RABL3: variants seen among roughly 807,000 people sequenced by gnomAD.
The protein encoded by RABL3 is rab-like protein 3.
RABL3 carries 31 observed loss-of-function variants against 31.8 expected under a neutral mutation model. The observed-to-expected ratio is 0.97, with a 90% confidence interval of 0.73 to 1.31. RABL3 has a LOEUF of 1.31. Ranked by LOEUF, RABL3 falls within the 40% of genes most tolerant of loss-of-function variation. The pLI is 0.00. For missense variants in RABL3, 263 were observed against 279.6 expected, an observed-to-expected ratio of 0.94 and a Z score of 0.42; for synonymous variants, 97 against 99.9, an observed-to-expected ratio of 0.97 and a Z score of 0.18.
chr3:120,718,197 C>T (rs976575422), intron 2 of RABL3, among the ~76,000 whole-genome samples: 17 of 152,096 alleles, frequency 1.1e-4, no homozygotes, highest in African/African-American at 2.4e-4. Flanking sequence ...AACAAATCTC[C>T]GCCTCTACCT....
chr3:120,718,009 T>A (rs1489851108), intron 2 of RABL3, among the ~76,000 whole-genome samples: 1 of 152,214 alleles, frequency 6.6e-6, no homozygotes, highest in Non-Finnish European at 1.5e-5. Context: ...CCTCTGTTAC[T>A]ATACATATTG....
intron 2 of RABL3, among the ~76,000 whole-genome samples, chr3:120,724,355 A>G (rs539218231): frequency 6.6e-6 from 1 of 152,256 alleles, no homozygotes; most frequent in South Asian, 2.1e-4. Context: ...AATCAATATC[A>G]TGAAAATGGC....
At chr3:120,691,669 G>A (rs1480113335) in intron 6 of RABL3, among the ~76,000 whole-genome samples, 2 of 152,156 alleles carry the variant, frequency 1.3e-5, no homozygotes, top group Admixed American at 6.5e-5. Context: ...TAACCCTATC[G>A]CAAGTTGAGG....
At chr3:120,741,384 A>G (rs1709040808) in intron 1 of RABL3, among the ~76,000 whole-genome samples, 1 of 152,222 alleles carries the variant, frequency 6.6e-6, no homozygotes, top group African/African-American at 2.4e-5. Flanking sequence ...AACATTCTTA[A>G]CCTATATTTG....
chr3:120,695,171 T>A (rs1462996462), intron 5 of RABL3, among the ~76,000 whole-genome samples: 1 of 152,096 alleles, frequency 6.6e-6, no homozygotes, highest in Admixed American at 6.6e-5. Flanking sequence ...GTTTTTGCAA[T>A]CTCCAGGCCC....
rs78420696 is a variant in RABL3, at chr3:120,686,472, A to AT, written c.*3350dup. On this transcript the variant is annotated 3_prime_UTR_variant, in exon 8 of 8. Coordinates refer to ENST00000273375, the MANE Select transcript of RABL3 (RefSeq NM_173825.5). The stretch of plus-strand genomic sequence containing the variant: ...CCTGCACATCATTTCCATGAAGTCC[A>AT]TGTCAGAATGAACAGAAAAACAAGT... Among the ~76,000 whole-genome samples, 26,492 of 152,148 alleles carry AT rather than the reference A, an allele frequency of 0.17. 2,854 individuals are homozygous for AT. Among genetic ancestry groups the AT allele is most frequent in the East Asian group, 0.5 (2,593 of 5,144 alleles).
At chr3:120,714,306 T>C (rs1253801324) in intron 2 of RABL3, among the ~76,000 whole-genome samples, 5 of 152,176 alleles carry the variant, frequency 3.3e-5, no homozygotes, top group Non-Finnish European at 1.5e-5. Context: ...GAAAAAGAGA[T>C]ACTAGGAGAA....
rs1234992329 is a variant in RABL3, at chr3:120,688,586, A to G, written c.*1237T>C. The G allele has an allele frequency of 2.0e-5, 3 of 152,228 alleles. No homozygotes were observed. Among genetic ancestry groups the G allele is most frequent in the Non-Finnish European group, 4.4e-5 (3 of 68,038 alleles). The allele number at this position is 152,228 out of a possible 1,614,324, so 9.4% of individuals were successfully genotyped here. ...CCACCTATTTTTTAAATGAGAAATG[A>G]AAACTGTATATTTATTATTGTTATT... is the stretch of plus-strand genomic sequence containing the variant. On this transcript the variant is annotated 3_prime_UTR_variant, in exon 8 of 8. Coordinates refer to ENST00000273375, the MANE Select transcript of RABL3 (RefSeq NM_173825.5).
At chr3:120,696,985 T>C (rs994159347) in intron 5 of RABL3, among the ~76,000 whole-genome samples, 2 of 152,168 alleles carry the variant, frequency 1.3e-5, no homozygotes, top group Admixed American at 6.5e-5. Context: ...TTCATAAACA[T>C]TGATTCATAG....
rs1003688278 is a variant in RABL3, at chr3:120,715,015, T to C, written c.139-5106A>G. 5.3e-5 allele frequency among the ~76,000 whole-genome samples: 8 copies of C among 152,336 alleles called. No homozygotes were observed. The South Asian group carries it at 1.4e-3, about 28-fold the overall frequency. On this transcript the variant is annotated intron_variant, in intron 2 of 7. Transcript: ENST00000273375. ...CATTTCCAGGACAGCTCCAGGTGGCTAGCTCACAGATACCTCCTTTCACCA... is the reference window on the plus strand; with the variant it reads ...CATTTCCAGGACAGCTCCAGGTGGCCAGCTCACAGATACCTCCTTTCACCA...
At chr3:120,692,386 G>T (rs1708390708) in intron 6 of RABL3, among the ~76,000 whole-genome samples, 1 of 149,792 alleles carries the variant, frequency 6.7e-6, no homozygotes, top group Non-Finnish European at 1.5e-5. Context: ...TTTTACTAGA[G>T]ATGGGGTTTC....
Position 120,694,148 on chromosome 3 carries a change from A to T in RABL3, c.606+5T>A. 6.3e-7 allele frequency: 1 copy of T among 1,588,506 alleles called. No individual in the cohort carries two copies. The highest frequency in any genetic ancestry group is 8.6e-7 in the Non-Finnish European group (1 of 1,158,902). Reference sequence around the variant, plus strand: ...GTTTAAAAATAACTTAATTGAAACCATTACCTTATCAAAAAACCTACTGAG... The same window carrying T: ...GTTTAAAAATAACTTAATTGAAACCTTTACCTTATCAAAAAACCTACTGAG... On this transcript the variant is annotated splice_donor_5th_base_variant and intron_variant, in intron 6 of 7. Coordinates refer to ENST00000273375, the MANE Select transcript of RABL3 (RefSeq NM_173825.5).
intron 5 of RABL3, among the ~76,000 whole-genome samples, chr3:120,698,213 T>C (rs753164432): frequency 4.6e-5 from 7 of 152,178 alleles, no homozygotes; most frequent in Non-Finnish European, 7.3e-5. Flanking sequence ...AGTTGGAACA[T>C]TCCAACAGAC....
At chr3:120,718,951 A>G (rs1708702872) in intron 2 of RABL3, among the ~76,000 whole-genome samples, 1 of 152,228 alleles carries the variant, frequency 6.6e-6, no homozygotes, top group African/African-American at 2.4e-5. Flanking sequence ...CTAGTAATAT[A>G]ATCTCAAAGT....
Position 120,697,689 on chromosome 3 carries a change from C to T in RABL3, c.534+734G>A, listed in dbSNP as rs945632475. Among the ~76,000 whole-genome samples, 8 of 152,028 alleles carry T rather than the reference C, an allele frequency of 5.3e-5. No individual in the cohort carries two copies. The East Asian group carries it at 1.5e-3, about 29-fold the overall frequency. Reference sequence around the variant, plus strand: ...TATGCATAAGTGTACATAAATTAGTCCTTATGAAGCACTCCTAGTTTAAGG... The same window carrying T: ...TATGCATAAGTGTACATAAATTAGTTCTTATGAAGCACTCCTAGTTTAAGG... On this transcript the variant is annotated intron_variant, in intron 5 of 7. Transcript: ENST00000273375.
At chr3:120,722,459 T>C (rs1256027673) in intron 2 of RABL3, 3 of 152,344 alleles carry the variant, frequency 2.0e-5, no homozygotes, top group East Asian at 1.9e-4. Flanking sequence ...TATATCTTAA[T>C]GGCACACGCA....
intron 2 of RABL3, among the ~76,000 whole-genome samples, chr3:120,722,833 C>T (rs1708764370): frequency 6.6e-6 from 1 of 151,962 alleles, no homozygotes; most frequent in East Asian, 1.9e-4. Context: ...TAAATGCCCA[C>T]AAGAGAAAGC....
rs537989770 is a variant in RABL3 at position 120,702,878 on chromosome 3, T to C, written c.383+3122A>G. Among the ~76,000 whole-genome samples the C allele has an allele frequency of 2.6e-5, 4 of 152,240 alleles. No individual in the cohort carries two copies. The South Asian group carries it at 8.3e-4, about 32-fold the overall frequency. On this transcript the variant is annotated intron_variant, in intron 4 of 7. Coordinates refer to ENST00000273375, the MANE Select transcript of RABL3 (RefSeq NM_173825.5). Reference sequence around the variant, plus strand: ...GGCCCAGAAGGGAAATTTTTCTGACTGATGGAACTGTATCTCAAGACAGTG... The same window carrying C: ...GGCCCAGAAGGGAAATTTTTCTGACCGATGGAACTGTATCTCAAGACAGTG...
At position 120,690,493 on chromosome 3, in the gene RABL3, A is replaced by C. The variant is rs1345760320; in HGVS notation, c.607-6T>G. On this transcript the variant is annotated splice_polypyrimidine_tract_variant and splice_region_variant and intron_variant, in intron 6 of 7. Transcript: ENST00000273375. ...AAGTATCTCTTCTCTATGACCTGTG[A>C]AAAACAAAGATTTTAAAGGCTTAGC... 1.2e-6 allele frequency: 2 copies of C among 1,602,686 alleles called. No individual in the cohort carries two copies. The highest frequency in any genetic ancestry group is 1.7e-4 in the Middle Eastern group (1 of 6,050).
Sources: gnomAD v4.1 joint callset for allele counts (sites outside exome capture counted in the v4.1 genomes callset) on GRCh38, gnomAD v4.1.1 for gene constraint, MANE v1.5 for transcripts, NCBI Gene and HGNC (gene_info 2026-07-23, HGNC 2026-07-21) for gene names.